Variants in ZNF469 observed in about 807,000 individuals in gnomAD.
ZNF469 encodes the protein zinc finger protein 469.
ZNF469 carries 1 observed loss-of-function variant against 1.0 expected under a neutral mutation model. The observed-to-expected ratio is 1.00, with a 90% confidence interval of 0.35 to 4.73. The LOEUF (loss-of-function observed/expected upper bound fraction) is 4.73. Among genes scored for constraint, ZNF469 ranks in the 30% most tolerant of loss-of-function variants. ZNF469 has a pLI of 0.16. For missense variants in ZNF469, 6,100 were observed against 5,356.3 expected (o/e 1.14, Z -4.33); for synonymous variants, 2,703 against 2,363.4 (o/e 1.14, Z -4.17).
chr16:88,336,579 GAC>G, the ZNF469 span, among the ~76,000 whole-genome samples: 2 of 151,664 alleles, frequency 1.3e-5, no homozygotes, highest in African/African-American at 2.4e-5. Context: ...CTTCATGTGA[GAC>G]ACTGACATGC....
the ZNF469 span, among the ~76,000 whole-genome samples, chr16:88,290,204 G>A: frequency 9.9e-5 from 15 of 152,224 alleles, no homozygotes; most frequent in South Asian, 2.1e-4. Flanking sequence ...CACCACTGTC[G>A]CGGCATCTGC....
chr16:88,281,951 G>C, the ZNF469 span, among the ~76,000 whole-genome samples: 3 of 152,220 alleles, frequency 2.0e-5, no homozygotes, highest in African/African-American at 7.2e-5. Context: ...GGATTGTACT[G>C]CGAGATGTTG....
the ZNF469 span, among the ~76,000 whole-genome samples, chr16:88,371,974 ACC>A: frequency 1.6e-4 from 20 of 125,716 alleles, no homozygotes; most frequent in Non-Finnish European, 3.3e-4. Context: ...CACCATCACC[ACC>A]ATCATCACCA....
the ZNF469 span, among the ~76,000 whole-genome samples, chr16:88,371,970 CACCACCATCATCACCAT>C: frequency 1.6e-5 from 2 of 125,834 alleles, no homozygotes; most frequent in Non-Finnish European, 3.4e-5. Flanking sequence ...TCATCACCAT[CACCACCATCATCACCAT>C]CACCATCACC....
At chr16:88,216,507 A>T in the ZNF469 span, among the ~76,000 whole-genome samples, 1 of 151,976 alleles carries the variant, frequency 6.6e-6, no homozygotes, top group Non-Finnish European at 1.5e-5. Context: ...AAAAAAAAAA[A>T]AAGATATTAT....
At chr16:88,415,595 C>A (rs1905281254) in intron 1 of ZNF469, among the ~76,000 whole-genome samples, 1 of 152,326 alleles carries the variant, frequency 6.6e-6, no homozygotes, top group South Asian at 2.1e-4. Context: ...AGCTGGCACT[C>A]CAGGTGGCCA....
chr16:88,131,707 G>C, the ZNF469 span, among the ~76,000 whole-genome samples: 1 of 152,248 alleles, frequency 6.6e-6, no homozygotes, highest in East Asian at 1.9e-4. Flanking sequence ...CAGAAGGCAG[G>C]GGCTGACCTG....
At chr16:88,268,888 T>A in the ZNF469 span, among the ~76,000 whole-genome samples, 89 of 152,272 alleles carry the variant, frequency 5.8e-4, no homozygotes, top group Middle Eastern at 0.02. Flanking sequence ...CTCCCCTCTG[T>A]GAGCCTCCCC....
chr16:88,438,443 A>AG lies in ZNF469; in HGVS notation c.10980dup (p.Pro3661AlafsTer138), dbSNP rs1157911510. On this transcript the variant is annotated frameshift_variant, in exon 3 of 3. Coordinates refer to ENST00000565624, the MANE Select transcript of ZNF469 (RefSeq NM_001367624.2). LOFTEE classifies it low-confidence loss of function (END_TRUNC). ...GTGTCCTCAAGCCACATGGTGTCTG[A>AG]GGGGGGGCCCCGAGGCGCCTTCCAC... 2 of 1,549,958 alleles carry AG rather than the reference A, an allele frequency of 1.3e-6. No individual in the cohort carries two copies. The highest frequency in any genetic ancestry group is 1.7e-6 in the Non-Finnish European group (2 of 1,146,844).
At chr16:88,410,419 G>T (rs1012991594) in intron 1 of ZNF469, among the ~76,000 whole-genome samples, 1 of 144,668 alleles carries the variant, frequency 6.9e-6, no homozygotes, top group South Asian at 2.2e-4. Context: ...AGGTCACGTG[G>T]TCATGGAGAA....
At chr16:88,113,097 A>G in the ZNF469 span, among the ~76,000 whole-genome samples, 1 of 152,146 alleles carries the variant, frequency 6.6e-6, no homozygotes, top group Middle Eastern at 3.4e-3. Context: ...GAAGCTTTTT[A>G]GCTCGAGGTG....
At position 88,435,619 on chromosome 16, in the gene ZNF469, G is replaced by C. The variant is rs993420527; in HGVS notation, c.8149G>C (p.Gly2717Arg). The C allele has an allele frequency of 7.1e-6, 11 of 1,550,250 alleles. No individual in the cohort carries two copies. The highest frequency in any genetic ancestry group is 4.9e-5 in the East Asian group (2 of 40,934). Reference sequence around the variant, plus strand: ...GACTGACCAGGAGGCTCTGTGTGCAGGGGAGACTGGGGCCCAGAAGCCACC... The same window carrying C: ...GACTGACCAGGAGGCTCTGTGTGCACGGGAGACTGGGGCCCAGAAGCCACC... The part of the protein sequence containing the change: ...AETDQEALCA[G>R]ETGAQKPPGD... Residue 2717 changes from glycine to arginine, a missense_variant, in exon 3 of 3, where the codon GGG (glycine) becomes CGG (arginine). Transcript: ENST00000565624.
the ZNF469 span, among the ~76,000 whole-genome samples, chr16:88,354,594 A>G: frequency 6.7e-6 from 1 of 149,734 alleles, no homozygotes; most frequent in Non-Finnish European, 1.5e-5. Context: ...AGGATGAAAT[A>G]AGAGGGTGCG....
chr16:88,315,488 GT>G, the ZNF469 span, among the ~76,000 whole-genome samples: 1 of 152,234 alleles, frequency 6.6e-6, no homozygotes, highest in African/African-American at 2.4e-5. Context: ...GCTTCTGTTT[GT>G]TCTTTGCAGA....
chr16:88,177,433 T>A, the ZNF469 span: 1 of 152,132 alleles, frequency 6.6e-6, no homozygotes, highest in Non-Finnish European at 1.5e-5. This position sits in a 1 kb window ranked among gnomAD's most constrained non-coding sequence, Gnocchi z 4.8. Context: ...TGCGTTTCCT[T>A]CCATGCAAGT....
the ZNF469 span, among the ~76,000 whole-genome samples, chr16:88,244,289 ATGAC>A: frequency 6.7e-6 from 1 of 150,012 alleles, no homozygotes. Context: ...GGATGGATGA[ATGAC>A]TGGATGGGTG....
chr16:88,214,733 T>G, the ZNF469 span, among the ~76,000 whole-genome samples: 1 of 152,248 alleles, frequency 6.6e-6, no homozygotes, highest in East Asian at 1.9e-4. Context: ...ACCTCCCACC[T>G]ATGAGTGAGA....
the ZNF469 span, among the ~76,000 whole-genome samples, chr16:88,149,551 T>A: frequency 6.6e-6 from 1 of 151,924 alleles, no homozygotes; most frequent in Admixed American, 6.6e-5. Flanking sequence ...GCTTGGGGAG[T>A]GGAGTTTAGC....
At chr16:88,188,793 T>C in the ZNF469 span, among the ~76,000 whole-genome samples, 1 of 152,152 alleles carries the variant, frequency 6.6e-6, no homozygotes, top group African/African-American at 2.4e-5. Context: ...TGCACGAGAA[T>C]CTACATGTCT....
Sources: gnomAD v4.1 joint callset for allele counts (sites outside exome capture counted in the v4.1 genomes callset) on GRCh38, gnomAD v4.1.1 for gene constraint, Gnocchi (gnomAD v3.1) non-coding constraint, MANE v1.5 for transcripts, NCBI Gene and HGNC (gene_info 2026-07-23, HGNC 2026-07-21) for gene names.